Variants in BABAM2 observed in about 807,000 individuals in gnomAD.
The protein encoded by BABAM2 is BRISC and BRCA1 A complex member 2, also known as BRISC and BRCA1-A complex member 2.
BABAM2 carries 31 observed loss-of-function variants against 54.7 expected under a neutral mutation model. The ratio of observed to expected loss-of-function variants is 0.57; its 90% CI spans 0.43 to 0.77. The LOEUF (loss-of-function observed/expected upper bound fraction) is 0.77. BABAM2 is among the 30% of genes least tolerant of loss of function. The probability of loss-of-function intolerance (pLI) is 0.00; values close to 1 mark genes in which losing one functional copy is unlikely to be tolerated. For missense variants in BABAM2, 364 were observed against 455.8 expected, an observed-to-expected ratio of 0.80 and a Z score of 1.83; for synonymous variants, 167 against 162.9, an observed-to-expected ratio of 1.03 and a Z score of -0.19.
chr2:28,016,181 T>TA, intron 4 of BABAM2: 1 of 1,225,100 alleles, frequency 8.2e-7, no homozygotes, highest in Non-Finnish European at 1.2e-6. Context: ...GATGAATACT[T>TA]ACCAGATTTC....
intron 3 of BABAM2, among the ~76,000 whole-genome samples, chr2:27,966,137 A>T (rs1441756172): frequency 1.3e-5 from 2 of 152,176 alleles, no homozygotes; most frequent in Non-Finnish European, 2.9e-5. Flanking sequence ...TTAGAGGCAT[A>T]TAATATGGCA....
intron 7 of BABAM2, among the ~76,000 whole-genome samples, chr2:28,210,437 G>A (rs888538815): frequency 1.3e-5 from 2 of 152,152 alleles, no homozygotes; most frequent in Non-Finnish European, 2.9e-5. Flanking sequence ...TGAAAGGCTA[G>A]GGTGTAGAGT....
intron 10 of BABAM2, among the ~76,000 whole-genome samples, chr2:28,270,312 G>A (rs1253304738): frequency 6.6e-6 from 1 of 152,032 alleles, no homozygotes; most frequent in Non-Finnish European, 1.5e-5. Context: ...GTAGAGACAG[G>A]GTTTTGCTTT....
At chr2:27,891,362 G>A (rs925475320) in intron 1 of BABAM2, among the ~76,000 whole-genome samples, 1 of 152,138 alleles carries the variant, frequency 6.6e-6, no homozygotes, top group Non-Finnish European at 1.5e-5. Context: ...GCAAGAACCT[G>A]GATGGTGCTT....
At chr2:28,110,139 C>T (rs891987140) in intron 6 of BABAM2, among the ~76,000 whole-genome samples, 4 of 152,124 alleles carry the variant, frequency 2.6e-5, no homozygotes, top group African/African-American at 9.7e-5. Context: ...TTTTTTGTGA[C>T]TGGCTAATTT....
chr2:27,963,361 T>C (rs1291242312), intron 3 of BABAM2, among the ~76,000 whole-genome samples: 2 of 149,120 alleles, frequency 1.3e-5, no homozygotes, highest in Non-Finnish European at 3.0e-5. Flanking sequence ...TCCCAGCTAC[T>C]CCAGAGGCTG....
intron 6 of BABAM2, among the ~76,000 whole-genome samples, chr2:28,100,056 A>C (rs1178079046): frequency 1.3e-5 from 2 of 151,744 alleles, no homozygotes; most frequent in African/African-American, 4.8e-5. Flanking sequence ...TGTCTTTTCT[A>C]ATTTTGGTTT....
At chr2:28,030,074 C>T (rs567423627) in intron 5 of BABAM2, among the ~76,000 whole-genome samples, 1 of 152,124 alleles carries the variant, frequency 6.6e-6, no homozygotes, top group East Asian at 1.9e-4. Context: ...TAGAATTTGC[C>T]TTCCTGTCTC....
At chr2:27,938,074 A>G (rs1051879626) in intron 3 of BABAM2, among the ~76,000 whole-genome samples, 7 of 152,160 alleles carry the variant, frequency 4.6e-5, no homozygotes, top group Admixed American at 1.3e-4. Context: ...CCTTTCTCCA[A>G]TGTGTGTTCT....
rs77073555 is a variant in BABAM2 at position 28,285,144 on chromosome 2, G to A, written c.935-13194G>A. 7.3e-3 allele frequency among the ~76,000 whole-genome samples: 1,106 copies of A among 152,198 alleles called. 10 individuals are homozygous for A. Among genetic ancestry groups the A allele is most frequent in the African/African-American group, 0.025 (1,048 of 41,528 alleles). ...TTAGGTTGCAGCCTGTATTTATTGA[G>A]CACTTTTCTATGTGCAAGACTGTAT... On this transcript the variant is annotated intron_variant, in intron 10 of 11. Coordinates refer to ENST00000379624, the MANE Select transcript of BABAM2 (RefSeq NM_199191.3).
At chr2:28,155,931 T>A (rs1032471456) in intron 7 of BABAM2, among the ~76,000 whole-genome samples, 7 of 152,174 alleles carry the variant, frequency 4.6e-5, no homozygotes, top group African/African-American at 1.7e-4. Context: ...ATTCATAACA[T>A]GAGGTACTTA....
intron 11 of BABAM2, among the ~76,000 whole-genome samples, chr2:28,328,089 G>A (rs566337952): frequency 5.9e-5 from 9 of 152,274 alleles, no homozygotes; most frequent in Admixed American, 6.5e-5. Flanking sequence ...TTGGGGTGAA[G>A]GACATTGAAA....
At chr2:27,919,587 CTTA>C (rs1286715948) in intron 2 of BABAM2, among the ~76,000 whole-genome samples, 2 of 152,148 alleles carry the variant, frequency 1.3e-5, no homozygotes, top group Non-Finnish European at 2.9e-5. Flanking sequence ...AACACTTGTA[CTTA>C]TTAAGATAAT....
chr2:28,096,333 T>C (rs1421814632), intron 6 of BABAM2, among the ~76,000 whole-genome samples: 1 of 151,680 alleles, frequency 6.6e-6, no homozygotes, highest in Non-Finnish European at 1.5e-5. Context: ...AGACCCTCAT[T>C]TAGAAATAGG....
intron 11 of BABAM2, chr2:28,309,476 A>G (rs1688870303): frequency 6.6e-6 from 1 of 152,224 alleles, no homozygotes; most frequent in Non-Finnish European, 1.5e-5. Context: ...TCACGTTAGA[A>G]TTCTGCCTAC....
intron 6 of BABAM2, among the ~76,000 whole-genome samples, chr2:28,112,632 A>G (rs879491368): frequency 2.0e-5 from 3 of 152,122 alleles, no homozygotes; most frequent in South Asian, 2.1e-4. Context: ...GTTGGCTCCA[A>G]GTCTTTGCTA....
At chr2:28,086,226 C>A (rs994973263) in intron 6 of BABAM2, among the ~76,000 whole-genome samples, 1 of 152,130 alleles carries the variant, frequency 6.6e-6, no homozygotes, top group Non-Finnish European at 1.5e-5. Context: ...CAAGAATATG[C>A]TGATTTGTAT....
At chr2:28,083,937 A>G (rs1248810120) in intron 6 of BABAM2, among the ~76,000 whole-genome samples, 5 of 152,238 alleles carry the variant, frequency 3.3e-5, no homozygotes, top group Admixed American at 6.5e-5. Flanking sequence ...TCTGTGAATT[A>G]ATAATGAAGA....
intron 5 of BABAM2, among the ~76,000 whole-genome samples, chr2:28,038,626 A>G (rs112719350): frequency 7.9e-4 from 120 of 152,270 alleles, no homozygotes; most frequent in African/African-American, 2.3e-3. Flanking sequence ...AAGTGAGAAC[A>G]TGTGGTATAT....
Sources: gnomAD v4.1 joint callset for allele counts (sites outside exome capture counted in the v4.1 genomes callset) on GRCh38, gnomAD v4.1.1 for gene constraint, MANE v1.5 for transcripts, NCBI Gene and HGNC (gene_info 2026-07-23, HGNC 2026-07-21) for gene names.